PAM: variants seen among roughly 807,000 people sequenced by gnomAD.
PAM encodes peptidyl-glycine alpha-amidating monooxygenase.
PAM carries 72 observed loss-of-function variants against 122.1 expected under a neutral mutation model. The observed-to-expected ratio is 0.59, with a 90% CI of 0.49 to 0.72. The LOEUF (loss-of-function observed/expected upper bound fraction) is 0.72, where lower values mean the gene tolerates loss of function less well. Ranked by LOEUF, PAM falls within the 30% of genes least tolerant of loss-of-function variation. The pLI, the probability that PAM is intolerant of heterozygous loss-of-function variation, is 0.00. For synonymous variants in PAM, 389 were observed against 404.4 expected (o/e 0.96, Z 0.46); for missense variants, 1,106 against 1,183.7 (o/e 0.93, Z 0.96).
intron 3 of PAM, among the ~76,000 whole-genome samples, chr5:102,892,452 C>A (rs1468420731): frequency 2.0e-5 from 3 of 151,796 alleles, no homozygotes; most frequent in African/African-American, 7.2e-5. Context: ...CAGCCAAATG[C>A]ATTCTTAGTG....
Position 102,867,359 on chromosome 5 carries a change from T to C in PAM, c.176T>C (p.Leu59Ser). 2 of 1,608,900 alleles carry C rather than the reference T, an allele frequency of 1.2e-6. No homozygotes were observed. The highest frequency in any genetic ancestry group is 1.7e-6 in the Non-Finnish European group (2 of 1,175,362). Reference protein sequence around the residue: ...VVPIDSSDFALDIRMPGVTPK... With the variant: ...VVPIDSSDFASDIRMPGVTPK... Reference sequence around the variant, plus strand: ...CCTATTGATTCATCAGATTTTGCATTGGATATTCGCATGCCTGGGGTTACA... The same window carrying C: ...CCTATTGATTCATCAGATTTTGCATCGGATATTCGCATGCCTGGGGTTACA... Residue 59 changes from leucine to serine, a missense_variant, in exon 3 of 26, where the codon TTG becomes TCG. By Grantham distance (145) the Leu-to-Ser change is moderately radical. Coordinates refer to ENST00000438793, the MANE Select transcript of PAM (RefSeq NM_001177306.2).
At chr5:102,897,442 A>G (rs1043817103) in intron 3 of PAM, among the ~76,000 whole-genome samples, 2 of 151,692 alleles carry the variant, frequency 1.3e-5, no homozygotes, top group African/African-American at 4.8e-5. Context: ...ATTCATATAC[A>G]TGGTGAAATT....
intron 1 of PAM, among the ~76,000 whole-genome samples, chr5:102,843,489 A>G (rs949536438): frequency 4.6e-5 from 7 of 152,204 alleles, no homozygotes; most frequent in African/African-American, 1.7e-4. Context: ...AAATTCCATA[A>G]AAAGAAAAAC....
chr5:103,026,488 T>C (rs7721530), intron 24 of PAM, among the ~76,000 whole-genome samples: 46,780 of 152,056 alleles, frequency 0.31, 7,378 homozygotes, highest in East Asian at 0.45. Flanking sequence ...TAAATCTCTA[T>C]AAAAATATAG....
intron 1 of PAM, among the ~76,000 whole-genome samples, chr5:102,860,819 T>G (rs773923187): frequency 6.6e-6 from 1 of 152,132 alleles, no homozygotes; most frequent in Non-Finnish European, 1.5e-5. Flanking sequence ...ATATTGTCAG[T>G]AATGAGACAA....
At chr5:103,027,988 AG>A (rs1785463818) in intron 24 of PAM, among the ~76,000 whole-genome samples, 196 bp from the exon 25 acceptor site, 1 of 152,204 alleles carries the variant, frequency 6.6e-6, no homozygotes, top group African/African-American at 2.4e-5. Flanking sequence ...AGACACGGGC[AG>A]GAGTCAAACC....
intron 7 of PAM, among the ~76,000 whole-genome samples, chr5:102,938,586 C>T (rs1305470830): frequency 6.6e-6 from 1 of 151,992 alleles, no homozygotes; most frequent in Non-Finnish European, 1.5e-5. Context: ...TTATGCTTTA[C>T]CTTTATTGAT....
intron 1 of PAM, among the ~76,000 whole-genome samples, chr5:102,785,872 T>C (rs1055940356): frequency 1.5e-5 from 1 of 67,068 alleles, no homozygotes; most frequent in African/African-American, 5.0e-5. Flanking sequence ...TTTTTAAAAA[T>C]CATTCATTCA....
chr5:102,969,276 G>GAA (rs1348605899), intron 14 of PAM, among the ~76,000 whole-genome samples: 1 of 132,660 alleles, frequency 7.5e-6, no homozygotes. Flanking sequence ...TAGTCCAGTG[G>GAA]AAAAAAAAAA....
intron 7 of PAM, among the ~76,000 whole-genome samples, chr5:102,928,597 G>A (rs1012952234): frequency 2.0e-5 from 3 of 151,994 alleles, no homozygotes; most frequent in Non-Finnish European, 4.4e-5. Flanking sequence ...GATACTATCA[G>A]GTCCCTAAAG....
At chr5:102,790,752 AATTTT>A (rs1252781801) in intron 1 of PAM, among the ~76,000 whole-genome samples, 1 of 152,072 alleles carries the variant, frequency 6.6e-6, no homozygotes, top group African/African-American at 2.4e-5. Context: ...GAAGTCACAT[AATTTT>A]ATTTTTCTGA....
At chr5:102,947,181 G>C (rs1455347545) in intron 8 of PAM, among the ~76,000 whole-genome samples, 1 of 152,146 alleles carries the variant, frequency 6.6e-6, no homozygotes, top group Non-Finnish European at 1.5e-5. Context: ...TTGTCGGCAG[G>C]CTTCAGTTCT....
intron 24 of PAM, among the ~76,000 whole-genome samples, chr5:103,026,742 T>C (rs1785046539): frequency 6.6e-6 from 1 of 152,132 alleles, no homozygotes; most frequent in Non-Finnish European, 1.5e-5. Context: ...GCTCACAGAA[T>C]AGATAACATA....
At chr5:102,881,155 C>CACACACACACACACAG (rs1046039847) in intron 3 of PAM, among the ~76,000 whole-genome samples, 80 of 151,220 alleles carry the variant, frequency 5.3e-4, no homozygotes, top group East Asian at 3.5e-3. Context: ...CACACACACA[C>CACACACACACACACAG]AGAGACTTCT....
chr5:103,006,955 A>G lies in PAM; in HGVS notation c.1958A>G (p.Asn653Ser), dbSNP rs2151066500. The change falls in exon 19 of 26, where the codon AAC becomes AGC. Residue 653 changes from asparagine (N) to serine (S), a missense_variant. By Grantham distance (46) the Asn-to-Ser change is conservative. Transcript: ENST00000438793. Reference sequence around the variant, plus strand: ...ATTTATGTATCAGATGGTTACTGCAACAGCAGGATTGTGCAGTTTTCACCA... The same window carrying G: ...ATTTATGTATCAGATGGTTACTGCAGCAGCAGGATTGTGCAGTTTTCACCA... ...GAIYVSDGYC[N>S]SRIVQFSPSG... The G allele has an allele frequency of 6.2e-7, 1 of 1,614,068 alleles. No individual in the cohort carries two copies.
chr5:102,858,021 C>T (rs959928535), intron 1 of PAM, among the ~76,000 whole-genome samples: 1 of 152,080 alleles, frequency 6.6e-6, no homozygotes, highest in African/African-American at 2.4e-5. Context: ...TTTTTCTGAG[C>T]TTTAGATTCC....
intron 5 of PAM, among the ~76,000 whole-genome samples, chr5:102,921,825 GA>G (rs1467954928): frequency 6.6e-6 from 1 of 152,108 alleles, no homozygotes; most frequent in Non-Finnish European, 1.5e-5. Flanking sequence ...TCAGTGTCAA[GA>G]ATTGAGATAG....
At chr5:102,824,814 T>C (rs1773099916) in intron 1 of PAM, among the ~76,000 whole-genome samples, 1 of 152,194 alleles carries the variant, frequency 6.6e-6, no homozygotes, top group Admixed American at 6.5e-5. Context: ...GAAATGCAAA[T>C]TTTCTAAAAT....
chr5:102,781,807 A>T (rs1003808564), intron 1 of PAM, among the ~76,000 whole-genome samples: 2 of 152,206 alleles, frequency 1.3e-5, no homozygotes, highest in African/African-American at 4.8e-5. Flanking sequence ...AATAACAACA[A>T]TTTACATGGT....
Sources: allele counts gnomAD v4.1 joint callset (sites outside exome capture counted in the v4.1 genomes callset), GRCh38; gene constraint gnomAD v4.1.1; transcripts MANE v1.5; gene names NCBI Gene and HGNC (gene_info 2026-07-23, HGNC 2026-07-21).